The following MYBL1 variants were observed in gnomAD, a reference collection of about 807,000 sequenced individuals.
MYBL1 encodes myb-related protein A.
MYBL1 carries 17 observed loss-of-function variants against 96.3 expected under a neutral mutation model. The observed-to-expected ratio is 0.18, with a 90% confidence interval of 0.12 to 0.26. The LOEUF (loss-of-function observed/expected upper bound fraction) is 0.26, where lower values mean the gene tolerates loss of function less well. Among genes scored for constraint, MYBL1 ranks in the 10% least tolerant of loss-of-function variants. The pLI, the probability that MYBL1 is intolerant of heterozygous loss-of-function variation, is 1.00. For synonymous variants in MYBL1, 282 were observed against 292.7 expected, an observed-to-expected ratio of 0.96 and a Z score of 0.37; for missense variants, 701 against 882.9, an observed-to-expected ratio of 0.79 and a Z score of 2.61.
At chr8:66,598,033 A>G (rs2129980396) in intron 4 of MYBL1, among the ~76,000 whole-genome samples, 1 of 152,264 alleles carries the variant, frequency 6.6e-6, no homozygotes, top group East Asian at 1.9e-4. Flanking sequence ...TAAAATTGCA[A>G]GAATAGTTAT....
At position 66,597,431 on chromosome 8, in the gene MYBL1, T is replaced by C. The variant is rs768512862; in HGVS notation, c.411A>G (p.Val137=). 1.9e-6 allele frequency: 3 copies of C among 1,613,244 alleles called. No individual in the cohort carries two copies. The highest frequency in any genetic ancestry group is 4.5e-5 in the East Asian group (2 of 44,814). ...ERWHNHLNPE[V]KKSSWTEEED... is the part of the protein sequence containing the mutation. ...CCTCTTCTGTCCAGGAAGATTTCTT[T>C]ACCTCAGGATTCAGATGATTATGCC... is the stretch of plus-strand genomic sequence containing the variant. The change falls in exon 5 of 16, where the codon GTA becomes GTG. Residue 137 remains valine (V), a synonymous_variant. Coordinates refer to ENST00000522677, the MANE Select transcript of MYBL1 (RefSeq NM_001080416.4).
At chr8:66,612,651 G>C in intron 1 of MYBL1, 168 bp downstream of exon 1, 2 of 733,460 alleles carry the variant, frequency 2.7e-6, no homozygotes, top group East Asian at 6.6e-5. Flanking sequence ...CTCTCCACAC[G>C]TCGCAGCTGC....
In MYBL1 at chr8:66,564,491, A is replaced by C. The variant is rs1339578371; in HGVS notation, c.*206T>G. On this transcript the variant is annotated 3_prime_UTR_variant, in exon 16 of 16. Transcript: ENST00000522677. Reference sequence around the variant, plus strand: ...TTTAAAAACAATTTTTAAAAATCTCATCTCTTAAAAAATAAACTATGAAAC... The same window carrying C: ...TTTAAAAACAATTTTTAAAAATCTCCTCTCTTAAAAAATAAACTATGAAAC... 2 of 336,480 alleles carry C rather than the reference A, an allele frequency of 5.9e-6. No individual in the cohort carries two copies. The highest frequency in any genetic ancestry group is 4.6e-5 in the East Asian group (1 of 21,710). The allele number at this position is 336,480 out of a possible 1,614,324, so 20.8% of individuals were successfully genotyped here.
At chr8:66,607,012 C>T (rs920441517) in intron 1 of MYBL1, among the ~76,000 whole-genome samples, 4 of 151,982 alleles carry the variant, frequency 2.6e-5, no homozygotes, top group African/African-American at 4.8e-5. Context: ...AGGCTGGTCT[C>T]GAACTCCTGA....
intron 1 of MYBL1, among the ~76,000 whole-genome samples, chr8:66,607,084 C>T (rs888313516): frequency 1.3e-5 from 2 of 151,646 alleles, no homozygotes; most frequent in Admixed American, 6.6e-5. Flanking sequence ...TGAGCAACCA[C>T]GCCTGGCCCA....
At chr8:66,582,718 CA>C (rs1347460099) in intron 8 of MYBL1, among the ~76,000 whole-genome samples, 566 of 55,400 alleles carry the variant, frequency 0.01, 3 homozygotes, top group Admixed American at 0.039. Flanking sequence ...AACCCTGCCT[CA>C]AAAAAAAAAA....
At chr8:66,579,485 C>A (rs1032269750) in intron 9 of MYBL1, among the ~76,000 whole-genome samples, 12 of 151,712 alleles carry the variant, frequency 7.9e-5, no homozygotes, top group African/African-American at 2.9e-4. Flanking sequence ...GATGAAACCC[C>A]ATCTCCACTA....
intron 1 of MYBL1, among the ~76,000 whole-genome samples, chr8:66,611,603 T>C (rs1160564215): frequency 6.6e-6 from 1 of 152,208 alleles, no homozygotes; most frequent in Non-Finnish European, 1.5e-5. Flanking sequence ...AAGATGTCAA[T>C]AGTGCAAAGG....
At position 66,576,251 on chromosome 8, in the gene MYBL1, A is replaced by G. The variant is rs765702545; in HGVS notation, c.1226T>C (p.Phe409Ser). The G allele has an allele frequency of 1.2e-6, 2 of 1,613,874 alleles. No individual in the cohort carries two copies. Among genetic ancestry groups the G allele is most frequent in the Non-Finnish European group, 1.7e-6 (2 of 1,179,908 alleles). The change falls in exon 10 of 16, where the codon TTT (phenylalanine) becomes TCT (serine). Residue 409 changes from phenylalanine (F) to serine (S), a missense_variant. Phe to Ser is a radical substitution (Grantham distance 155). Coordinates refer to ENST00000522677, the MANE Select transcript of MYBL1 (RefSeq NM_001080416.4). ...CCCTTCAAGTACAAGACTGACGTTA[A>G]ATTGGCATTCCATGGCTCCTTCATT... is the stretch of plus-strand genomic sequence containing the variant. ...QHNEGAMECQFNVSLVLEGKK... is the reference protein window; with the variant it reads ...QHNEGAMECQSNVSLVLEGKK...
chr8:66,594,251 A>G (rs1225001522), intron 6 of MYBL1, among the ~76,000 whole-genome samples: 1 of 152,176 alleles, frequency 6.6e-6, no homozygotes. Context: ...AACTTCTAAC[A>G]TAGAGCTTAA....
intron 8 of MYBL1, among the ~76,000 whole-genome samples, chr8:66,589,518 T>A (rs7828492): frequency 0.1 from 15,879 of 152,012 alleles, 1,864 homozygotes; most frequent in African/African-American, 0.28. Flanking sequence ...TCTTGCTCTG[T>A]TGCCCAGGTT....
At position 66,580,327 on chromosome 8, in the gene MYBL1, T is replaced by A. The variant is rs756354015; in HGVS notation, c.907A>T (p.Met303Leu). The change falls in exon 9 of 16, where the codon ATG becomes TTG. Residue 303 changes from methionine to leucine, a missense_variant. Around this residue, in one of 5 missense-constraint regions of MYBL1, gnomAD observed 396 missense variants for 407.4 expected, o/e 0.97. Coordinates refer to ENST00000522677, the MANE Select transcript of MYBL1 (RefSeq NM_001080416.4). ...AGAGTATTAGACATGTTATCATCCATGAGGAAACTACCAGACCAGCTAGAA... is the reference window on the plus strand; with the variant it reads ...AGAGTATTAGACATGTTATCATCCAAGAGGAAACTACCAGACCAGCTAGAA... ...SFSSWSGSFLMDDNMSNTLNS... is the reference protein window; with the variant it reads ...SFSSWSGSFLLDDNMSNTLNS... 7 of 1,612,622 alleles carry A rather than the reference T, an allele frequency of 4.3e-6. No individual in the cohort carries two copies. The highest frequency in any genetic ancestry group is 5.9e-6 in the Non-Finnish European group (7 of 1,178,812).
intron 3 of MYBL1, among the ~76,000 whole-genome samples, chr8:66,599,552 A>C (rs1586592891): frequency 6.6e-6 from 1 of 152,142 alleles, no homozygotes; most frequent in Non-Finnish European, 1.5e-5. Context: ...TGTAATCCCA[A>C]CACTTTCGGA....
intron 12 of MYBL1, among the ~76,000 whole-genome samples, chr8:66,568,854 G>T (rs186742153): frequency 0.023 from 3,447 of 151,732 alleles, 64 homozygotes; most frequent in Non-Finnish European, 0.037. Context: ...GTGAAACCCC[G>T]TCTCTACTAA....
chr8:66,595,792 A>T, intron 5 of MYBL1, 35 bp from the exon 6 acceptor site: 1 of 1,353,030 alleles, frequency 7.4e-7, no homozygotes, highest in Non-Finnish European at 9.8e-7. Flanking sequence ...AAAAGAAAAA[A>T]GGATTCCACA....
intron 12 of MYBL1, among the ~76,000 whole-genome samples, chr8:66,571,876 CAAA>C (rs113777940): frequency 2.9e-5 from 3 of 104,158 alleles, no homozygotes; most frequent in African/African-American, 3.6e-5. Flanking sequence ...GACTGCGTCT[CAAA>C]AAAAAAAAAA....
At chr8:66,585,558 T>C (rs1359797228) in intron 8 of MYBL1, among the ~76,000 whole-genome samples, 1 of 152,050 alleles carries the variant, frequency 6.6e-6, no homozygotes, top group African/African-American at 2.4e-5. Flanking sequence ...CTGGCCAACA[T>C]GGTGAAACCT....
intron 1 of MYBL1, among the ~76,000 whole-genome samples, chr8:66,605,121 T>C (rs1810261996): frequency 6.6e-6 from 1 of 152,230 alleles, no homozygotes; most frequent in Admixed American, 6.5e-5. Context: ...AATATAATCA[T>C]TTCAACATGT....
intron 8 of MYBL1, among the ~76,000 whole-genome samples, chr8:66,583,180 A>G (rs978021637): frequency 2.6e-5 from 4 of 152,224 alleles, no homozygotes; most frequent in Non-Finnish European, 4.4e-5. Flanking sequence ...CTAGAAATCA[A>G]TAACAAAAGG....
Sources: gnomAD v4.1 joint callset for allele counts (sites outside exome capture counted in the v4.1 genomes callset) on GRCh38, gnomAD v4.1.1 for gene constraint, gnomAD v4.1.1 regional missense constraint, MANE v1.5 for transcripts, NCBI Gene and HGNC (gene_info 2026-07-23, HGNC 2026-07-21) for gene names.